Variants in KLF12 observed in about 807,000 individuals in gnomAD.
KLF12 encodes KLF transcription factor 12, also known as Krueppel-like factor 12.
In KLF12, 9 loss-of-function variants were observed where a neutral mutation model predicts 37.8. The observed-to-expected ratio is 0.24, with a 90% confidence interval of 0.14 to 0.42. The LOEUF (loss-of-function observed/expected upper bound fraction) is 0.42. Ranked by LOEUF, KLF12 falls within the 10% of genes least tolerant of loss-of-function variation. The probability of loss-of-function intolerance (pLI) is 1.00; values close to 1 mark genes in which losing one functional copy is unlikely to be tolerated. For synonymous variants in KLF12, 208 were observed against 202.1 expected (o/e 1.03, Z -0.25); for missense variants, 411 against 516.0 (o/e 0.80, Z 1.97).
chr13:74,277,276 A>G, the KLF12 span, among the ~76,000 whole-genome samples: 1 of 152,118 alleles, frequency 6.6e-6, no homozygotes, highest in Non-Finnish European at 1.5e-5. Flanking sequence ...ATCTTTCTTG[A>G]ATTTGTTGGT....
intron 3 of KLF12, among the ~76,000 whole-genome samples, chr13:73,923,023 G>A (rs1488014879): frequency 6.6e-6 from 1 of 152,160 alleles, no homozygotes; most frequent in Non-Finnish European, 1.5e-5. Flanking sequence ...CTGTACAAAA[G>A]ATGTGGAATC....
intron 1 of KLF12, among the ~76,000 whole-genome samples, chr13:74,009,161 G>A (rs1200222836): frequency 6.6e-6 from 1 of 152,168 alleles, no homozygotes; most frequent in Admixed American, 6.5e-5. Flanking sequence ...CAGTTTATCT[G>A]TGACTGTAAA....
intron 6 of KLF12, among the ~76,000 whole-genome samples, chr13:73,732,278 C>A (rs572017675): frequency 6.6e-6 from 1 of 151,578 alleles, no homozygotes; most frequent in Non-Finnish European, 1.5e-5. Flanking sequence ...TTAGTAGAGA[C>A]GGGGTTTCAC....
intron 2 of KLF12, among the ~76,000 whole-genome samples, chr13:73,977,940 C>T (rs1338846784): frequency 2.0e-5 from 3 of 152,184 alleles, no homozygotes; most frequent in Non-Finnish European, 4.4e-5. Context: ...AATCTAGCCA[C>T]AGAGCTTATA....
intron 6 of KLF12, among the ~76,000 whole-genome samples, chr13:73,738,118 T>TACACACAC (rs1279628991): frequency 1.5e-3 from 101 of 65,270 alleles, no homozygotes; most frequent in Non-Finnish European, 2.4e-3. Flanking sequence ...TATATATATA[T>TACACACAC]ATATATACAC....
chr13:73,803,163 AAGAG>A (rs1328451234), intron 5 of KLF12, among the ~76,000 whole-genome samples: 1 of 152,166 alleles, frequency 6.6e-6, no homozygotes, highest in East Asian at 1.9e-4. Context: ...TGAGTAGATA[AAGAG>A]ATTCAGTTCT....
chr13:74,129,634 T>A (rs1356592219), intron 1 of KLF12, among the ~76,000 whole-genome samples: 1 of 151,768 alleles, frequency 6.6e-6, no homozygotes, highest in Non-Finnish European at 1.5e-5. Context: ...CTAATAAATA[T>A]TCAAAAATGT....
At chr13:73,997,897 ATTACTT>A (rs1291495889) in intron 1 of KLF12, among the ~76,000 whole-genome samples, 1 of 152,180 alleles carries the variant, frequency 6.6e-6, no homozygotes, top group Non-Finnish European at 1.5e-5. Flanking sequence ...GTATTTTAAG[ATTACTT>A]TTAAACCAAA....
chr13:74,282,420 C>T, the KLF12 span, among the ~76,000 whole-genome samples: 2 of 152,156 alleles, frequency 1.3e-5, no homozygotes, highest in Non-Finnish European at 2.9e-5. Context: ...TGTATTTCCT[C>T]TATGTTAATA....
At chr13:73,974,998 G>A (rs1476445786) in intron 2 of KLF12, among the ~76,000 whole-genome samples, 1 of 152,142 alleles carries the variant, frequency 6.6e-6, no homozygotes, top group Non-Finnish European at 1.5e-5. Context: ...CAATAAATCA[G>A]TAAAAGGGAA....
At chr13:73,992,494 G>A (rs1891995602) in intron 2 of KLF12, among the ~76,000 whole-genome samples, 1 of 152,202 alleles carries the variant, frequency 6.6e-6, no homozygotes, top group African/African-American at 2.4e-5. Flanking sequence ...TAAGGAAAGG[G>A]TGGATGAAGA....
At position 74,133,830 on chromosome 13, in the gene KLF12, C is replaced by T. The variant is rs2139042295; in HGVS notation, c.-123G>A. ...TCCCTTTCTCTCTCTCACACGCGCG[C>T]GCGCACACACACACACACACTCGCA... On this transcript the variant is annotated 5_prime_UTR_variant, in exon 1 of 8. Coordinates refer to ENST00000377669, the MANE Select transcript of KLF12 (RefSeq NM_007249.5). 1.6e-5 allele frequency among the ~76,000 whole-genome samples: 1 copy of T among 62,382 alleles called. No homozygotes were observed. The highest frequency in any genetic ancestry group is 1.0e-3 in the East Asian group (1 of 976). 40.9% of individuals were successfully genotyped at this position (62,382 alleles called of 152,430 possible).
intron 6 of KLF12, among the ~76,000 whole-genome samples, chr13:73,738,120 TATATAC>T (rs1566331334): frequency 1.4e-5 from 1 of 70,498 alleles, no homozygotes; most frequent in Non-Finnish European, 2.7e-5. Context: ...TATATATATA[TATATAC>T]ACACACACAC....
At chr13:74,106,436 C>A (rs1011947620) in intron 1 of KLF12, among the ~76,000 whole-genome samples, 1 of 152,160 alleles carries the variant, frequency 6.6e-6, no homozygotes, top group Non-Finnish European at 1.5e-5. Context: ...AAAATTCAGA[C>A]CAATCTGGGG....
chr13:73,765,376 C>T (rs1879842028), intron 5 of KLF12, among the ~76,000 whole-genome samples: 1 of 152,170 alleles, frequency 6.6e-6, no homozygotes, highest in South Asian at 2.1e-4. Flanking sequence ...GTACCTGTTC[C>T]CATGAGGGTG....
the KLF12 span, among the ~76,000 whole-genome samples, chr13:74,304,660 A>G: frequency 2.6e-5 from 4 of 152,242 alleles, no homozygotes; most frequent in South Asian, 6.2e-4. Flanking sequence ...GGGGTGAAGT[A>G]CGTGTTTATT....
chr13:74,146,397 A>G, the KLF12 span, among the ~76,000 whole-genome samples: 1 of 152,200 alleles, frequency 6.6e-6, no homozygotes, highest in Non-Finnish European at 1.5e-5. Context: ...TGATTTTATT[A>G]CTATTATTAT....
intron 4 of KLF12, among the ~76,000 whole-genome samples, chr13:73,837,550 A>G (rs1884501484): frequency 6.6e-6 from 1 of 152,224 alleles, no homozygotes; most frequent in Non-Finnish European, 1.5e-5. Flanking sequence ...ACTCACAGTG[A>G]AAATTCAATA....
chr13:73,720,682 T>C (rs995540444), intron 6 of KLF12, among the ~76,000 whole-genome samples: 1 of 152,186 alleles, frequency 6.6e-6, no homozygotes, highest in African/African-American at 2.4e-5. Context: ...CCACTTGGAA[T>C]GGCAAGTTAA....
Sources: allele counts gnomAD v4.1 joint callset (sites outside exome capture counted in the v4.1 genomes callset), GRCh38; gene constraint gnomAD v4.1.1; transcripts MANE v1.5; gene names NCBI Gene and HGNC (gene_info 2026-07-23, HGNC 2026-07-21).